The following DMD variants were observed in gnomAD, a reference collection of about 807,000 sequenced individuals.
DMD encodes mutant dystrophin.
DMD carries 63 observed loss-of-function variants against 330.1 expected under a neutral mutation model. The ratio of observed to expected loss-of-function variants is 0.19; its 90% CI spans 0.16 to 0.24. The LOEUF (loss-of-function observed/expected upper bound fraction) is 0.24, where lower values mean the gene tolerates loss of function less well. Ranked by LOEUF, DMD falls within the 10% of genes least tolerant of loss-of-function variation. The pLI, the probability that DMD is intolerant of heterozygous loss-of-function variation, is 1.00. For synonymous variants in DMD, 1,223 were observed against 959.8 expected, an observed-to-expected ratio of 1.27 and a Z score of -5.07; for missense variants, 3,344 against 2,684.1, an observed-to-expected ratio of 1.25 and a Z score of -5.43.
At chrX:31,284,587 C>CTTCTTCTTTCTTCTTCTTCTTCTTCT (rs2052974017) in intron 62 of DMD, among the ~76,000 whole-genome samples, 1 of 97,526 alleles carries the variant, frequency 1.0e-5, no homozygotes, top group African/African-American at 4.0e-5. Flanking sequence ...TCTTCTTCTT[C>CTTCTTCTTTCTTCTTCTTCTTCTTCT]TTCTTCTTCT....
chrX:31,124,843 A>C (rs1357613962), intron 78 of DMD, among the ~76,000 whole-genome samples: 1 of 111,999 alleles, frequency 8.9e-6, no homozygotes, highest in Non-Finnish European at 1.9e-5. Flanking sequence ...ATTTTTTAAA[A>C]ATACAATTCC....
intron 2 of DMD, among the ~76,000 whole-genome samples, chrX:32,953,090 G>A (rs1214186108): frequency 2.0e-4 from 20 of 102,205 alleles, no homozygotes; most frequent in Non-Finnish European, 3.0e-4. Context: ...AGCAGAGATC[G>A]CGTCACTGCA....
intron 30 of DMD, among the ~76,000 whole-genome samples, chrX:32,398,638 C>A (rs765509900): frequency 1.9e-4 from 21 of 110,816 alleles, no homozygotes; most frequent in African/African-American, 6.9e-4. Context: ...ACCTGAGAAA[C>A]GATGTTACGC....
At position 31,832,256 on chromosome X, in the gene DMD, G is replaced by A. The variant is rs138057268; in HGVS notation, c.7200+4462C>T. Among the ~76,000 whole-genome samples the A allele has an allele frequency of 4.3e-3, 480 of 112,045 alleles. 3 individuals carry two copies. The highest frequency in any genetic ancestry group is 0.014 in the African/African-American group (445 of 30,889). ...GAAATACCATTTGACCTGCTATACCGTGGATAAATCTTGAGATGCACATCT... is the reference window on the plus strand; with the variant it reads ...GAAATACCATTTGACCTGCTATACCATGGATAAATCTTGAGATGCACATCT... On this transcript the variant is annotated intron_variant, in intron 49 of 78. Coordinates refer to ENST00000357033, the MANE Select transcript of DMD (RefSeq NM_004006.3).
chrX:32,666,759 C>T (rs1031756810), intron 9 of DMD, among the ~76,000 whole-genome samples: 2 of 106,179 alleles, frequency 1.9e-5, no homozygotes, highest in Admixed American at 2.1e-4. Flanking sequence ...ACCTGGGAGG[C>T]AGGGGTGCAG....
chrX:31,814,335 T>C (rs2092551401), intron 50 of DMD, among the ~76,000 whole-genome samples: 1 of 105,383 alleles, frequency 9.5e-6, no homozygotes, highest in African/African-American at 3.5e-5. Flanking sequence ...ACAAAAAAAT[T>C]AGCCGGGCGT....
At position 31,394,692 on chromosome X, in the gene DMD, G is replaced by T. The variant is rs369439196; in HGVS notation, c.9085-46058C>A. Among the ~76,000 whole-genome samples the T allele has an allele frequency of 2.1e-4, 23 of 111,134 alleles. No homozygotes were observed. The East Asian group carries it at 5.4e-3, about 26-fold the overall frequency. On this transcript the variant is annotated intron_variant, in intron 60 of 78. Coordinates refer to ENST00000357033, the MANE Select transcript of DMD (RefSeq NM_004006.3). The stretch of plus-strand genomic sequence containing the variant: ...GCCTGTAGTCCCAGCTACTCAGGAG[G>T]CTGAGGCAGGAGAATTGCTTGAACC...
chrX:33,105,779 G>A (rs1300633454), intron 1 of DMD, among the ~76,000 whole-genome samples: 3 of 111,407 alleles, frequency 2.7e-5, no homozygotes, highest in Non-Finnish European at 5.7e-5. Flanking sequence ...AACAATAAAC[G>A]TTGGCATGGA....
At chrX:31,487,428 T>C (rs1157130735) in intron 57 of DMD, among the ~76,000 whole-genome samples, 1 of 110,696 alleles carries the variant, frequency 9.0e-6, no homozygotes, top group Non-Finnish European at 1.9e-5. Flanking sequence ...GCCCGGCTAA[T>C]TTTTTCTTTT....
rs2053864831 is a variant in DMD, at chrX:32,583,290, G to T, written c.1603-9444C>A. Among the ~76,000 whole-genome samples, 5 of 111,635 alleles carry T rather than the reference G, an allele frequency of 4.5e-5. No homozygotes were observed. In the Admixed American group the frequency reaches 4.7e-4, roughly 11 times the overall value. ...GCTGGCAGATCACCTGAGGTCAGGA[G>T]TTCAAGACCAACCTGACCAACATGG... On this transcript the variant is annotated intron_variant, in intron 13 of 78. Coordinates refer to ENST00000357033, the MANE Select transcript of DMD (RefSeq NM_004006.3).
chrX:31,928,818 T>TA (rs926242344), intron 47 of DMD, among the ~76,000 whole-genome samples: 27 of 111,403 alleles, frequency 2.4e-4, no homozygotes, highest in Non-Finnish European at 4.3e-4. Flanking sequence ...AGGATTGTTT[T>TA]AAAAAAAAGA....
At chrX:31,821,952 T>C (rs1030910035) in intron 49 of DMD, among the ~76,000 whole-genome samples, 1 of 112,374 alleles carries the variant, frequency 8.9e-6, no homozygotes, top group Non-Finnish European at 1.9e-5. Flanking sequence ...ATACACGTTG[T>C]AGTTTAATGC....
chrX:31,257,215 A>T (rs2050055664), intron 63 of DMD, among the ~76,000 whole-genome samples: 1 of 78,276 alleles, frequency 1.3e-5, no homozygotes, highest in African/African-American at 5.4e-5. Flanking sequence ...AGGAATGTGT[A>T]ACCTACCATG....
chrX:32,729,858 T>G (rs2067338862), intron 7 of DMD, among the ~76,000 whole-genome samples: 1 of 112,248 alleles, frequency 8.9e-6, no homozygotes, highest in Admixed American at 9.5e-5. Context: ...ACCATAGTAC[T>G]GACTATGTAA....
chrX:32,644,902 A>T (rs948003820), intron 10 of DMD, 62 bp downstream of exon 10: 12 of 1,143,181 alleles, frequency 1.0e-5, no homozygotes, highest in Non-Finnish European at 1.4e-5. Flanking sequence ...TTGAGGAAAA[A>T]GGATGACTTG....
At chrX:31,787,270 C>G (rs886114932) in intron 50 of DMD, among the ~76,000 whole-genome samples, 1 of 111,183 alleles carries the variant, frequency 9.0e-6, no homozygotes, top group South Asian at 3.8e-4. Context: ...ACTTGGGAGG[C>G]TGAGGCAGGA....
chrX:31,749,863 G>A (rs2088330292), intron 51 of DMD, among the ~76,000 whole-genome samples: 1 of 105,845 alleles, frequency 9.4e-6, no homozygotes, highest in Non-Finnish European at 1.9e-5. Context: ...GTATCTCATT[G>A]TGGTTTTGAT....
chrX:32,249,487 T>C lies in DMD; in HGVS notation c.6291-32424A>G, dbSNP rs187730525. On this transcript the variant is annotated intron_variant, in intron 43 of 78. Coordinates refer to ENST00000357033, the MANE Select transcript of DMD (RefSeq NM_004006.3). ...AAAGTGCTTGAGGAAGAGACCAGGA[T>C]ACACTGACAAGTAGCTCAGAGTGCT... Among the ~76,000 whole-genome samples, 43 of 112,053 alleles carry C rather than the reference T, an allele frequency of 3.8e-4. No individual in the cohort carries two copies. The South Asian group carries it at 0.01, about 26-fold the overall frequency.
intron 44 of DMD, among the ~76,000 whole-genome samples, chrX:31,996,902 T>C (rs954132183): frequency 9.0e-6 from 1 of 111,715 alleles, no homozygotes; most frequent in Non-Finnish European, 1.9e-5. Context: ...ACCAATGCAA[T>C]GATGTCATCT....
Sources: gnomAD v4.1 joint callset for allele counts (sites outside exome capture counted in the v4.1 genomes callset) on GRCh38, gnomAD v4.1.1 for gene constraint, MANE v1.5 for transcripts, NCBI Gene and HGNC (gene_info 2026-07-23, HGNC 2026-07-21) for gene names.